Variants in ERC2 observed in about 807,000 individuals in gnomAD.
ERC2 encodes the protein ERC protein 2.
Under a neutral mutation model 114.8 loss-of-function variants are expected in ERC2, and 42 were observed. The observed-to-expected ratio is 0.37, with a 90% CI of 0.29 to 0.47. The LOEUF is 0.47. Ranked by LOEUF, ERC2 falls within the 20% of genes least tolerant of loss-of-function variation. The pLI is 0.99. For missense variants in ERC2, 939 were observed against 1,150.7 expected, an observed-to-expected ratio of 0.82 and a Z score of 2.66; for synonymous variants, 454 against 425.5, an observed-to-expected ratio of 1.07 and a Z score of -0.82.
chr3:55,832,321 C>G (rs569493387), intron 14 of ERC2, among the ~76,000 whole-genome samples: 102 of 152,350 alleles, frequency 6.7e-4, no homozygotes, highest in African/African-American at 2.5e-3. Flanking sequence ...GGTCCCTGAC[C>G]CCTGACCCCT....
In ERC2 at chr3:56,271,334, G is replaced by A. The variant is rs1402080138; in HGVS notation, c.1074+24685C>T. ...AATGACATCCACGTGGGCAGCACCT[G>A]GAGATATGGTTATGCACAGTCCCTT... On this transcript the variant is annotated intron_variant, in intron 3 of 17. Transcript: ENST00000288221. 2.6e-5 allele frequency among the ~76,000 whole-genome samples: 4 copies of A among 152,192 alleles called. 1 individual carries two copies. Among genetic ancestry groups the A allele is most frequent in the South Asian group, 2.1e-4 (1 of 4,834 alleles).
chr3:56,081,644 C>T (rs963734222), intron 6 of ERC2, among the ~76,000 whole-genome samples: 4 of 151,900 alleles, frequency 2.6e-5, no homozygotes, highest in Admixed American at 2.0e-4. Flanking sequence ...AAATATAATT[C>T]CTGCTTTCAA....
intron 3 of ERC2, among the ~76,000 whole-genome samples, chr3:56,283,541 C>T (rs1014133943): frequency 1.3e-5 from 2 of 152,200 alleles, no homozygotes; most frequent in African/African-American, 4.8e-5. Flanking sequence ...TGTGTGGACT[C>T]TGCCAGAATG....
chr3:55,522,044 T>C (rs1393354349), intron 17 of ERC2, among the ~76,000 whole-genome samples: 2 of 152,266 alleles, frequency 1.3e-5, no homozygotes, highest in Non-Finnish European at 2.9e-5. Flanking sequence ...ATTCATTTTT[T>C]AAACTATTTA....
At chr3:56,457,070 T>C (rs1299566779) in intron 1 of ERC2, among the ~76,000 whole-genome samples, 2 of 152,248 alleles carry the variant, frequency 1.3e-5, no homozygotes, top group Non-Finnish European at 2.9e-5. Context: ...TCATGAACTT[T>C]CTCAGACCCC....
chr3:55,867,839 AC>A (rs2062396455), intron 14 of ERC2, among the ~76,000 whole-genome samples: 1 of 152,200 alleles, frequency 6.6e-6, no homozygotes. Context: ...AAGAGAAAGC[AC>A]TTTTATAGCT....
intron 13 of ERC2, 116 bp downstream of exon 13, chr3:55,950,309 T>G: frequency 7.5e-7 from 1 of 1,331,474 alleles, no homozygotes; most frequent in African/African-American, 1.5e-5. Flanking sequence ...AGTGCTAGAC[T>G]CAGGGCAAAG....
intron 3 of ERC2, among the ~76,000 whole-genome samples, chr3:56,196,561 T>C (rs2048119379): frequency 6.7e-6 from 1 of 149,608 alleles, no homozygotes; most frequent in Non-Finnish European, 1.5e-5. Flanking sequence ...TGAGAAGATA[T>C]AAGGGAAACT....
At chr3:56,312,708 G>A (rs531963556) in intron 2 of ERC2, among the ~76,000 whole-genome samples, 4 of 151,014 alleles carry the variant, frequency 2.6e-5, no homozygotes, top group Admixed American at 2.6e-4. Context: ...CAGCATTTCT[G>A]TAGCATGTCT....
At chr3:55,939,887 T>A (rs1307109252) in intron 13 of ERC2, among the ~76,000 whole-genome samples, 1 of 152,218 alleles carries the variant, frequency 6.6e-6, no homozygotes, top group Non-Finnish European at 1.5e-5. Flanking sequence ...TAATCCATCT[T>A]GCACCAAAAA....
At chr3:56,077,766 T>C (rs1002967074) in intron 7 of ERC2, among the ~76,000 whole-genome samples, 26 of 152,214 alleles carry the variant, frequency 1.7e-4, no homozygotes, top group Admixed American at 1.6e-3. Context: ...AATTATTTTA[T>C]TATATATTCC....
chr3:55,789,324 T>C (rs886768908), intron 14 of ERC2, among the ~76,000 whole-genome samples: 1 of 152,064 alleles, frequency 6.6e-6, no homozygotes, highest in African/African-American at 2.4e-5. Flanking sequence ...AAGCTGAGAG[T>C]CTTCTAAGTG....
At chr3:55,585,007 C>G (rs1263534882) in intron 17 of ERC2, among the ~76,000 whole-genome samples, 1 of 152,166 alleles carries the variant, frequency 6.6e-6, no homozygotes, top group Non-Finnish European at 1.5e-5. Context: ...GTTTCGGGAG[C>G]CTGATGTATG....
chr3:56,044,778 AC>A (rs2075377149), intron 7 of ERC2, among the ~76,000 whole-genome samples: 1 of 152,140 alleles, frequency 6.6e-6, no homozygotes. Flanking sequence ...TCTTGCATCT[AC>A]TTCCTAAATA....
chr3:55,933,377 T>A (rs369563420), intron 13 of ERC2, among the ~76,000 whole-genome samples: 1 of 152,172 alleles, frequency 6.6e-6, no homozygotes, highest in East Asian at 1.9e-4. Flanking sequence ...CAAGTCAAGT[T>A]TTAATTGCAA....
intron 2 of ERC2, among the ~76,000 whole-genome samples, chr3:56,423,541 G>A (rs2061460724): frequency 6.6e-6 from 1 of 152,220 alleles, no homozygotes; most frequent in Non-Finnish European, 1.5e-5. Context: ...ATCAACGTAT[G>A]GAGACAAACG....
In ERC2 at chr3:56,028,959, C is replaced by G. The variant is rs151232442; in HGVS notation, c.1642-9928G>C. 1.4e-4 allele frequency among the ~76,000 whole-genome samples: 21 copies of G among 152,138 alleles called. No homozygotes were observed. The East Asian group carries it at 4.0e-3, about 29-fold the overall frequency. ...TAGGTTTTTTGTAAATGTGCTTTAT[C>G]AAGCTGAGATAGCTCTCCTCTGCTC... is the stretch of plus-strand genomic sequence containing the variant. On this transcript the variant is annotated intron_variant, in intron 7 of 17. Coordinates refer to ENST00000288221, the MANE Select transcript of ERC2 (RefSeq NM_015576.3).
At chr3:56,426,010 C>A (rs913174736) in intron 2 of ERC2, among the ~76,000 whole-genome samples, 1 of 152,318 alleles carries the variant, frequency 6.6e-6, no homozygotes, top group African/African-American at 2.4e-5. Context: ...CACAGCTCCA[C>A]CCATCACATC....
chr3:55,865,017 T>G (rs1007305920), intron 14 of ERC2, among the ~76,000 whole-genome samples: 9 of 152,076 alleles, frequency 5.9e-5, no homozygotes, highest in African/African-American at 2.2e-4. Context: ...ATTCAATCTT[T>G]AAGACCCAGT....
Sources: gnomAD v4.1 joint callset for allele counts (sites outside exome capture counted in the v4.1 genomes callset) on GRCh38, gnomAD v4.1.1 for gene constraint, MANE v1.5 for transcripts, NCBI Gene and HGNC (gene_info 2026-07-23, HGNC 2026-07-21) for gene names.